NRG3: variants seen among roughly 807,000 people sequenced by gnomAD.
The protein encoded by NRG3 is pro-neuregulin-3, membrane-bound isoform.
NRG3 carries 31 observed loss-of-function variants against 66.9 expected under a neutral mutation model. That is an observed-to-expected ratio of 0.46 (90% confidence interval 0.35 to 0.63). NRG3 has a LOEUF of 0.63. Ranked by LOEUF, NRG3 falls within the 20% of genes least tolerant of loss-of-function variation. NRG3 has a pLI of 0.00. For synonymous variants in NRG3, 393 were observed against 359.4 expected, an observed-to-expected ratio of 1.09 and a Z score of -1.06; for missense variants, 910 against 878.9, an observed-to-expected ratio of 1.04 and a Z score of -0.45.
At chr10:82,231,337 G>A (rs1297606994) in intron 1 of NRG3, among the ~76,000 whole-genome samples, 6 of 151,984 alleles carry the variant, frequency 3.9e-5, no homozygotes, top group Non-Finnish European at 5.9e-5. Context: ...TGACAAGAGC[G>A]AGACTCCGTC....
At chr10:82,574,474 TA>T (rs2045922180) in intron 2 of NRG3, among the ~76,000 whole-genome samples, 1 of 151,750 alleles carries the variant, frequency 6.6e-6, no homozygotes, top group African/African-American at 2.4e-5. Context: ...GGTAGCACAG[TA>T]AAGTGACTGC....
At chr10:82,041,352 G>A (rs931665126) in intron 1 of NRG3, among the ~76,000 whole-genome samples, 1 of 151,944 alleles carries the variant, frequency 6.6e-6, no homozygotes, top group African/African-American at 2.4e-5. Context: ...CAGTTCTAGA[G>A]CCCACTGTGA....
At chr10:82,328,419 A>G (rs762975851) in intron 1 of NRG3, among the ~76,000 whole-genome samples, 12 of 152,212 alleles carry the variant, frequency 7.9e-5, no homozygotes, top group Admixed American at 2.0e-4. Context: ...CAGGGTACAT[A>G]ATGATGTTTC....
intron 1 of NRG3, among the ~76,000 whole-genome samples, chr10:82,324,611 G>A (rs888459562): frequency 5.3e-5 from 8 of 151,980 alleles, no homozygotes; most frequent in African/African-American, 9.7e-5. Context: ...ATATTGATAT[G>A]CTCTGTTTTT....
intron 3 of NRG3, chr10:82,843,175 G>T: frequency 2.4e-6 from 1 of 425,350 alleles, no homozygotes; most frequent in Non-Finnish European, 4.8e-6. Context: ...GCTATGATTT[G>T]AATGTTTGTC....
At chr10:82,113,471 G>C (rs954161495) in intron 1 of NRG3, among the ~76,000 whole-genome samples, 1 of 152,152 alleles carries the variant, frequency 6.6e-6, no homozygotes, top group African/African-American at 2.4e-5. Flanking sequence ...ATGCAACCGT[G>C]TGATACTGCT....
intron 2 of NRG3, among the ~76,000 whole-genome samples, chr10:82,408,132 AAAG>A (rs2087753755): frequency 1.8e-5 from 2 of 113,564 alleles, no homozygotes; most frequent in African/African-American, 3.7e-5. Flanking sequence ...AGAAAGAAAG[AAAG>A]AAAGAAAGAA....
chr10:82,946,863 A>C (rs1035003038), intron 4 of NRG3, among the ~76,000 whole-genome samples: 1 of 152,174 alleles, frequency 6.6e-6, no homozygotes, highest in Non-Finnish European at 1.5e-5. Context: ...CTAAAAGATA[A>C]AAAGCTATGT....
At chr10:82,778,710 G>A (rs118141537) in intron 3 of NRG3, among the ~76,000 whole-genome samples, 1,620 of 152,172 alleles carry the variant, frequency 0.011, 21 homozygotes, top group Non-Finnish European at 0.015. Flanking sequence ...TTCTTGGCTG[G>A]GCAGGAGTGT....
At chr10:81,896,350 C>G (rs1048656911) in intron 1 of NRG3, among the ~76,000 whole-genome samples, 6 of 152,120 alleles carry the variant, frequency 3.9e-5, no homozygotes, top group Non-Finnish European at 7.3e-5. Flanking sequence ...AACTCTCTCT[C>G]TCACTTTCTC....
intron 1 of NRG3, among the ~76,000 whole-genome samples, chr10:82,143,596 T>C (rs755460340): frequency 3.2e-4 from 48 of 152,228 alleles, no homozygotes; most frequent in Non-Finnish European, 6.5e-4. Context: ...CTCTTGCCCA[T>C]TGAAATCAAT....
chr10:82,496,578 T>C (rs1056962821), intron 2 of NRG3, among the ~76,000 whole-genome samples: 9 of 152,220 alleles, frequency 5.9e-5, no homozygotes, highest in Admixed American at 5.9e-4. Context: ...TATTTGAGAA[T>C]ATATTGTCTA....
chr10:82,349,672 C>T (rs1406167486), intron 1 of NRG3, among the ~76,000 whole-genome samples: 5 of 151,924 alleles, frequency 3.3e-5, no homozygotes, highest in African/African-American at 7.3e-5. Flanking sequence ...ACCTCGCTGC[C>T]GCCTTGCAGT....
chr10:82,727,298 C>G (rs912675950), intron 2 of NRG3, among the ~76,000 whole-genome samples: 5 of 150,600 alleles, frequency 3.3e-5, no homozygotes, highest in African/African-American at 7.4e-5. Context: ...TCACGGCAGC[C>G]CCTCCCATCA....
At chr10:82,497,622 A>G (rs1333587040) in intron 2 of NRG3, among the ~76,000 whole-genome samples, 3 of 152,014 alleles carry the variant, frequency 2.0e-5, no homozygotes, top group Non-Finnish European at 4.4e-5. Flanking sequence ...ATAGAACCAC[A>G]CTTTCATGAC....
At chr10:82,791,228 T>C (rs369994161) in intron 3 of NRG3, among the ~76,000 whole-genome samples, 1 of 152,080 alleles carries the variant, frequency 6.6e-6, no homozygotes, top group Non-Finnish European at 1.5e-5. Flanking sequence ...AGTAACGTAA[T>C]GTGACAGCTC....
rs1844398776 is a variant in NRG3, at chr10:82,503,563, G to T, written c.953+144695G>T. 2.0e-5 allele frequency among the ~76,000 whole-genome samples: 3 copies of T among 152,290 alleles called. 1 individual carries two copies. In the South Asian group the frequency reaches 6.2e-4, roughly 32 times the overall value. On this transcript the variant is annotated intron_variant, in intron 2 of 8. Transcript: ENST00000372141. ...ATGCACTAGGCAAATTGTGGGCACT[G>T]TGGTGAAGAAAGCTTATGACAGTAG...
chr10:82,528,613 G>C (rs138007937), intron 2 of NRG3, among the ~76,000 whole-genome samples: 1 of 152,026 alleles, frequency 6.6e-6, no homozygotes, highest in Non-Finnish European at 1.5e-5. Flanking sequence ...CTGCTGTCTC[G>C]GAGACAGAGT....
In NRG3 at chr10:82,459,914, T is replaced by G. The variant is rs183782630; in HGVS notation, c.953+101046T>G. Among the ~76,000 whole-genome samples, 8 of 152,324 alleles carry G rather than the reference T, an allele frequency of 5.3e-5. No individual in the cohort carries two copies. In the East Asian group the frequency reaches 1.5e-3, roughly 29 times the overall value. The stretch of plus-strand genomic sequence containing the variant: ...CTCATTGCTCTGGTTGTCAGGAGTA[T>G]GATACGGAATACAAAAGACAAAGAA... On this transcript the variant is annotated intron_variant, in intron 2 of 8. Coordinates refer to ENST00000372141, the MANE Select transcript of NRG3 (RefSeq NM_001010848.4).
Sources: allele counts gnomAD v4.1 joint callset (sites outside exome capture counted in the v4.1 genomes callset), GRCh38; gene constraint gnomAD v4.1.1; transcripts MANE v1.5; gene names NCBI Gene and HGNC (gene_info 2026-07-23, HGNC 2026-07-21).